Variants in AGFG1 observed in about 807,000 individuals in gnomAD.
AGFG1 encodes arf-GAP domain and FG repeat-containing protein 1.
In AGFG1, 10 loss-of-function variants were observed where a neutral mutation model predicts 60.6. That is an observed-to-expected ratio of 0.16 (90% CI 0.10 to 0.28). The LOEUF (loss-of-function observed/expected upper bound fraction) is 0.28, where lower values mean the gene tolerates loss of function less well. Among genes scored for constraint, AGFG1 ranks in the 10% least tolerant of loss-of-function variants. The probability of loss-of-function intolerance (pLI) is 1.00; values close to 1 mark genes in which losing one functional copy is unlikely to be tolerated. For synonymous variants in AGFG1, 247 were observed against 242.9 expected (o/e 1.02, Z -0.16); for missense variants, 537 against 676.5 (o/e 0.79, Z 2.29).
intron 2 of AGFG1, among the ~76,000 whole-genome samples, chr2:227,518,824 A>G (rs1197102108): frequency 1.3e-5 from 2 of 152,098 alleles, no homozygotes; most frequent in African/African-American, 4.8e-5. Context: ...GACTAATGAT[A>G]GTGGGCTGCT....
At chr2:227,536,436 A>G (rs1692315897) in intron 8 of AGFG1, among the ~76,000 whole-genome samples, 189 bp from the exon 9 acceptor site, 1 of 152,016 alleles carries the variant, frequency 6.6e-6, no homozygotes, top group South Asian at 2.1e-4. Flanking sequence ...TTTTTTTATG[A>G]TGATTCTTAA....
chr2:227,497,619 C>T (rs577083518), intron 2 of AGFG1, among the ~76,000 whole-genome samples: 14 of 151,610 alleles, frequency 9.2e-5, no homozygotes, highest in Non-Finnish European at 1.5e-4. Context: ...ATTGGTCTTA[C>T]TGCCCTCAAG....
In AGFG1 at chr2:227,554,916, T is replaced by TA. The variant is rs1287615745; in HGVS notation, c.*425dup. The TA allele has an allele frequency of 2.6e-5, 4 of 153,602 alleles. No individual in the cohort carries two copies. Among genetic ancestry groups the TA allele is most frequent in the African/African-American group, 9.6e-5 (4 of 41,612 alleles). The allele number at this position is 153,602 out of a possible 1,614,324, so 9.5% of individuals were successfully genotyped here. A position where few individuals can be genotyped will look rare whatever the true frequency, so the allele number is the denominator to read the frequency against. On this transcript the variant is annotated 3_prime_UTR_variant, in exon 13 of 13. Transcript: ENST00000310078. The stretch of plus-strand genomic sequence containing the variant: ...GTCATATATCTTGGAATGAATGACC[T>TA]AAAATCATTTTAACCATTGCTACTG...
chr2:227,533,055 C>T (rs1692208935), intron 6 of AGFG1, among the ~76,000 whole-genome samples: 1 of 152,140 alleles, frequency 6.6e-6, no homozygotes, highest in Non-Finnish European at 1.5e-5. Flanking sequence ...GTATAAATGT[C>T]AACGACCATC....
intron 8 of AGFG1, 82 bp from the exon 9 acceptor site, chr2:227,536,543 A>C (rs531458833): frequency 4.3e-6 from 5 of 1,170,090 alleles, no homozygotes; most frequent in Admixed American, 1.8e-5. Flanking sequence ...CGATATGTTC[A>C]TTATTTTATG....
intron 2 of AGFG1, among the ~76,000 whole-genome samples, chr2:227,517,017 G>C (rs1434539800): frequency 6.6e-6 from 1 of 152,180 alleles, no homozygotes; most frequent in Non-Finnish European, 1.5e-5. Context: ...GTTTCTGCCT[G>C]AGGAGAGTCC....
Position 227,557,772 on chromosome 2 carries a change from A to G in AGFG1, c.*3277A>G, listed in dbSNP as rs1423116957. ...ATTTTCATGCTGCTTTTGCATTCCA[A>G]CTTAAAAATTACACAGCATACACAC... On this transcript the variant is annotated 3_prime_UTR_variant, in exon 13 of 13. Coordinates refer to ENST00000310078, the MANE Select transcript of AGFG1 (RefSeq NM_004504.5). The G allele has an allele frequency of 6.6e-6, 1 of 152,216 alleles. No homozygotes were observed. Among genetic ancestry groups the G allele is most frequent in the African/African-American group, 2.4e-5 (1 of 41,458 alleles). 9.4% of individuals were successfully genotyped at this position (152,216 alleles called of 1,614,324 possible). A position where few individuals can be genotyped will look rare whatever the true frequency, so the allele number is the denominator to read the frequency against.
At position 227,483,421 on chromosome 2, in the gene AGFG1, AG is replaced by A. The variant is rs544757767; in HGVS notation, c.168-8125del. 3.3e-5 allele frequency among the ~76,000 whole-genome samples: 5 copies of A among 152,258 alleles called. No homozygotes were observed. The South Asian group carries it at 1.0e-3, about 32-fold the overall frequency. The stretch of plus-strand genomic sequence containing the variant: ...GTTCTGTGAATCTTAACATATGTAT[AG>A]ATTCATATAGCCACCACTCAAATTA... On this transcript the variant is annotated intron_variant, in intron 1 of 12. Coordinates refer to ENST00000310078, the MANE Select transcript of AGFG1 (RefSeq NM_004504.5).
At chr2:227,478,825 A>AT (rs920679704) in intron 1 of AGFG1, among the ~76,000 whole-genome samples, 7 of 151,974 alleles carry the variant, frequency 4.6e-5, no homozygotes, top group African/African-American at 1.7e-4. Flanking sequence ...GATTTTTATG[A>AT]TTTTTCTCTC....
chr2:227,480,474 A>G (rs1021601631), intron 1 of AGFG1, among the ~76,000 whole-genome samples: 1 of 151,964 alleles, frequency 6.6e-6, no homozygotes, highest in Non-Finnish European at 1.5e-5. Flanking sequence ...AACTCAGCTC[A>G]CTACAACTTT....
chr2:227,525,740 T>G (rs1260631918), intron 5 of AGFG1, among the ~76,000 whole-genome samples: 2 of 152,232 alleles, frequency 1.3e-5, no homozygotes, highest in Non-Finnish European at 2.9e-5. Context: ...GGTTGTTGGA[T>G]CCAGAGACTT....
rs770625658 is a variant in AGFG1, at chr2:227,523,877, A to C, written c.492A>C (p.Leu164Phe). 1 of 1,613,948 alleles carries C rather than the reference A, an allele frequency of 6.2e-7. No individual in the cohort carries two copies. Among genetic ancestry groups the C allele is most frequent in the Non-Finnish European group, 8.5e-7 (1 of 1,179,932 alleles). The change falls in exon 4 of 13, where the codon TTA (leucine) becomes TTC (phenylalanine). Residue 164 changes from leucine (L) to phenylalanine (F), a missense_variant. Coordinates refer to ENST00000310078, the MANE Select transcript of AGFG1 (RefSeq NM_004504.5). The stretch of plus-strand genomic sequence containing the variant: ...AGGTCAAACCACTGAAATCTCTTTT[A>C]GGGGATTCTGCACCAACACTGCACT... The part of the protein sequence containing the change: ...TPEVKPLKSL[L>F]GDSAPTLHLN...
chr2:227,504,188 ATTTTTTT>A (rs111498312), intron 2 of AGFG1, among the ~76,000 whole-genome samples: 11 of 138,582 alleles, frequency 7.9e-5, no homozygotes, highest in Admixed American at 1.4e-4. Flanking sequence ...CTTGGTGTAA[ATTTTTTT>A]TTTTTTTTTT....
intron 2 of AGFG1, among the ~76,000 whole-genome samples, chr2:227,497,307 A>C (rs1375125966): frequency 6.6e-6 from 1 of 152,128 alleles, no homozygotes; most frequent in East Asian, 1.9e-4. Flanking sequence ...TTGCAATGTA[A>C]ATCTTTTTAT....
chr2:227,478,810 T>G (rs1690367971), intron 1 of AGFG1, among the ~76,000 whole-genome samples: 1 of 152,220 alleles, frequency 6.6e-6, no homozygotes, highest in African/African-American at 2.4e-5. Flanking sequence ...TGCTGAATTC[T>G]TCTAGATTTT....
At chr2:227,481,099 C>CTTTTTTTTTTT (rs36152184) in intron 1 of AGFG1, among the ~76,000 whole-genome samples, 279 of 75,758 alleles carry the variant, frequency 3.7e-3, no homozygotes, top group African/African-American at 5.5e-3. Flanking sequence ...GTGTTTTAGG[C>CTTTTTTTTTTT]TTTTTTTTTT....
intron 2 of AGFG1, among the ~76,000 whole-genome samples, chr2:227,509,232 A>G (rs894890287): frequency 2.6e-5 from 4 of 152,192 alleles, no homozygotes; most frequent in Admixed American, 6.5e-5. Flanking sequence ...CGTCACTTAC[A>G]TAGTATCTTC....
intron 2 of AGFG1, among the ~76,000 whole-genome samples, chr2:227,493,938 A>G (rs1301986073): frequency 6.6e-6 from 1 of 152,246 alleles, no homozygotes. Flanking sequence ...GAGGGTAACT[A>G]GAACCTAAGC....
In AGFG1 at chr2:227,528,999, T is replaced by G. The variant is rs544101172; in HGVS notation, c.695-2092T>G. On this transcript the variant is annotated intron_variant, in intron 5 of 12. Transcript: ENST00000310078. ...TGTGAGTCAGGCTGCCTGAGAGGAG[T>G]TGTTTTTTAGTCTGAAGTTCTTAAT... is the stretch of plus-strand genomic sequence containing the variant. Among the ~76,000 whole-genome samples the G allele has an allele frequency of 2.6e-5, 4 of 152,200 alleles. No individual in the cohort carries two copies. In the East Asian group the frequency reaches 7.7e-4, roughly 29 times the overall value.
Sources: allele counts gnomAD v4.1 joint callset (sites outside exome capture counted in the v4.1 genomes callset), GRCh38; gene constraint gnomAD v4.1.1; transcripts MANE v1.5; gene names NCBI Gene and HGNC (gene_info 2026-07-23, HGNC 2026-07-21).